XRCC5: variants seen among roughly 807,000 people sequenced by gnomAD.
XRCC5 encodes DNA repair protein Ku80.
In XRCC5, 12 loss-of-function variants were observed where a neutral mutation model predicts 95.7. That is an observed-to-expected ratio of 0.13 (90% CI 0.08 to 0.20). XRCC5 has a LOEUF of 0.20. Among genes scored for constraint, XRCC5 ranks in the 10% least tolerant of loss-of-function variants. XRCC5 has a pLI of 1.00. For missense variants in XRCC5, 595 were observed against 873.9 expected, an observed-to-expected ratio of 0.68 and a Z score of 4.02; for synonymous variants, 281 against 290.3, an observed-to-expected ratio of 0.97 and a Z score of 0.33.
chr2:216,157,090 G>A (rs534906508), intron 14 of XRCC5, among the ~76,000 whole-genome samples: 17 of 152,286 alleles, frequency 1.1e-4, no homozygotes, highest in Admixed American at 8.5e-4. Context: ...CAGCACGCAC[G>A]CTGCCTAGAG....
intron 16 of XRCC5, among the ~76,000 whole-genome samples, chr2:216,172,145 A>C (rs1307822861): frequency 6.6e-6 from 1 of 152,196 alleles, no homozygotes; most frequent in Non-Finnish European, 1.5e-5. Context: ...GGGCCTGACG[A>C]GTTGTAAATT....
intron 5 of XRCC5, among the ~76,000 whole-genome samples, chr2:216,120,963 G>T (rs553026490): frequency 1.4e-4 from 22 of 152,038 alleles, no homozygotes; most frequent in Admixed American, 5.2e-4. Context: ...CTTGAACTCC[G>T]GACCTCAAGT....
At chr2:216,185,046 T>G (rs1689469954) in intron 16 of XRCC5, among the ~76,000 whole-genome samples, 1 of 152,112 alleles carries the variant, frequency 6.6e-6, no homozygotes, top group African/African-American at 2.4e-5. Context: ...CTTCTTCCCT[T>G]TCTATGTTGG....
intron 16 of XRCC5, among the ~76,000 whole-genome samples, chr2:216,167,479 T>C (rs1689071506): frequency 6.6e-6 from 1 of 152,172 alleles, no homozygotes; most frequent in South Asian, 2.1e-4. Context: ...TTACATACAT[T>C]ATGTGATTTT....
chr2:216,159,974 C>CT (rs58550995), intron 14 of XRCC5, 94 bp from the exon 15 acceptor site: 4,479 of 478,396 alleles, frequency 9.4e-3, no homozygotes, highest in East Asian at 0.024. Flanking sequence ...CTTCTTTTTT[C>CT]TTTTTTTTTT....
intron 19 of XRCC5, among the ~76,000 whole-genome samples, chr2:216,198,533 TTTTATTTA>T (rs3080564): frequency 0.076 from 11,299 of 147,814 alleles, 728 homozygotes; most frequent in African/African-American, 0.17. Context: ...TGAAAAATGC[TTTTATTTA>T]TTTATTTATT....
chr2:216,158,683 A>G (rs1688892985), intron 14 of XRCC5, among the ~76,000 whole-genome samples: 2 of 152,046 alleles, frequency 1.3e-5, no homozygotes, highest in South Asian at 4.1e-4. Context: ...TCTGTCTTCT[A>G]CTTTGCTCTT....
chr2:216,117,474 T>C (rs1015130144), intron 3 of XRCC5: 2 of 457,526 alleles, frequency 4.4e-6, no homozygotes, highest in Non-Finnish European at 8.0e-6. Context: ...CTAGATACTA[T>C]TAAATGACAT....
rs1371345978 is a variant in XRCC5, at chr2:216,205,555, G to C, written c.*353G>C. 4.2e-6 allele frequency: 1 copy of C among 240,020 alleles called. No homozygotes were observed. Among genetic ancestry groups the C allele is most frequent in the Non-Finnish European group, 8.1e-6 (1 of 123,286 alleles). The allele number at this position is 240,020 out of a possible 1,614,324, so 14.9% of individuals were successfully genotyped here. A position where few individuals can be genotyped will look rare whatever the true frequency, so the allele number is the denominator to read the frequency against. ...CAGTGACAGTTGCAGCCCTTGTGAT[G>C]TGATTAGTGTCTCATGTGGAACCAT... On this transcript the variant is annotated 3_prime_UTR_variant, in exon 21 of 21. Coordinates refer to ENST00000392132, the MANE Select transcript of XRCC5 (RefSeq NM_021141.4).
At chr2:216,172,458 G>GCTTTT (rs1192182376) in intron 16 of XRCC5, among the ~76,000 whole-genome samples, 2 of 102,040 alleles carry the variant, frequency 2.0e-5, no homozygotes, top group African/African-American at 9.0e-5. Flanking sequence ...TTTAGCATCA[G>GCTTTT]CTTTTCTTTT....
In XRCC5 at chr2:216,122,378, T is replaced by C. The variant is rs1253040160; in HGVS notation, c.683+125T>C. 3 of 889,946 alleles carry C rather than the reference T, an allele frequency of 3.4e-6. No homozygotes were observed. In the African/African-American group the frequency reaches 5.1e-5, roughly 15 times the overall value. The allele number at this position is 889,946 out of a possible 1,614,324, so 55.1% of individuals were successfully genotyped here. The stretch of plus-strand genomic sequence containing the variant: ...TCTAATTAGTCATTGCTTAATATTC[T>C]GAGTTTTATTAAAGAAATAGTACAC... On this transcript the variant is annotated intron_variant, in intron 6 of 20. Transcript: ENST00000392132.
intron 19 of XRCC5, among the ~76,000 whole-genome samples, chr2:216,198,009 G>A (rs528407953): frequency 2.3e-4 from 35 of 152,266 alleles, no homozygotes; most frequent in African/African-American, 7.7e-4. Context: ...CCGAACCAAA[G>A]AGCCCAGTAT....
intron 7 of XRCC5, among the ~76,000 whole-genome samples, chr2:216,126,549 C>T (rs1212801238): frequency 2.6e-5 from 4 of 152,100 alleles, no homozygotes; most frequent in Admixed American, 2.6e-4. Context: ...AAATGAGTTG[C>T]TTTTGGTGAT....
chr2:216,126,454 T>A (rs996045136), intron 7 of XRCC5, among the ~76,000 whole-genome samples: 4 of 152,336 alleles, frequency 2.6e-5, no homozygotes, highest in Middle Eastern at 3.4e-3. Context: ...AGTAACAACA[T>A]CTGTGAAATG....
Position 216,113,304 on chromosome 2 carries a change from A to AT in XRCC5, c.135+181dup, listed in dbSNP as rs560655212. ...ACTTCACCTACCACTAGAGTCTGATATTTTTTCTTCCCTCGTTTTGGCCCC... is the reference window on the plus strand; with the variant it reads ...ACTTCACCTACCACTAGAGTCTGATATTTTTTTCTTCCCTCGTTTTGGCCCC... On this transcript the variant is annotated intron_variant, in intron 2 of 20. Coordinates refer to ENST00000392132, the MANE Select transcript of XRCC5 (RefSeq NM_021141.4). Among the ~76,000 whole-genome samples, 84 of 152,116 alleles carry AT rather than the reference A, an allele frequency of 5.5e-4. 3 individuals carry two copies. The highest frequency in any genetic ancestry group is 5.2e-3 in the East Asian group (27 of 5,172).
chr2:216,144,146 G>A (rs1697215568), intron 13 of XRCC5, among the ~76,000 whole-genome samples: 1 of 152,188 alleles, frequency 6.6e-6, no homozygotes, highest in Non-Finnish European at 1.5e-5. Context: ...GGGTGACTTA[G>A]GGAAGGCTTT....
chr2:216,187,857 T>TCTCTCTCTCTCTCC (rs1239439771), intron 16 of XRCC5, among the ~76,000 whole-genome samples: 19 of 117,290 alleles, frequency 1.6e-4, no homozygotes, highest in Non-Finnish European at 2.9e-4. Flanking sequence ...TCTCTCTCTC[T>TCTCTCTCTCTCTCC]CTCTCCCCGT....
At chr2:216,164,666 G>A (rs991188236) in intron 16 of XRCC5, among the ~76,000 whole-genome samples, 2 of 152,186 alleles carry the variant, frequency 1.3e-5, no homozygotes, top group African/African-American at 4.8e-5. Flanking sequence ...GAGAGGAGGG[G>A]CTTAGAAGAA....
At chr2:216,119,231 C>G (rs529974360) in intron 5 of XRCC5, 66 bp downstream of exon 5, 3 of 1,577,884 alleles carry the variant, frequency 1.9e-6, no homozygotes, top group East Asian at 4.5e-5. Flanking sequence ...AATGGGCCCT[C>G]TGTATAGAGT....
Sources: allele counts gnomAD v4.1 joint callset (sites outside exome capture counted in the v4.1 genomes callset), GRCh38; gene constraint gnomAD v4.1.1; transcripts MANE v1.5; gene names NCBI Gene and HGNC (gene_info 2026-07-23, HGNC 2026-07-21).